SLC24A4: variants seen among roughly 807,000 people sequenced by gnomAD.
SLC24A4 encodes the protein sodium/potassium/calcium exchanger 4.
Under a neutral mutation model 79.0 loss-of-function variants are expected in SLC24A4, and 53 were observed. The observed-to-expected ratio is 0.67, with a 90% confidence interval of 0.54 to 0.84. The LOEUF (loss-of-function observed/expected upper bound fraction) is 0.84, where lower values mean the gene tolerates loss of function less well. SLC24A4 is among the 40% of genes least tolerant of loss of function. SLC24A4 has a pLI of 0.00. For missense variants in SLC24A4, 731 were observed against 822.0 expected (o/e 0.89, Z 1.35); for synonymous variants, 323 against 323.8 (o/e 1.00, Z 0.03).
At chr14:92,345,207 C>A (rs1053263382) in intron 2 of SLC24A4, among the ~76,000 whole-genome samples, 4 of 152,178 alleles carry the variant, frequency 2.6e-5, no homozygotes, top group African/African-American at 9.7e-5. Flanking sequence ...ACCATTCATT[C>A]ATCATTCATT....
At chr14:92,404,312 G>A (rs1172201990) in intron 2 of SLC24A4, among the ~76,000 whole-genome samples, 1 of 152,166 alleles carries the variant, frequency 6.6e-6, no homozygotes, top group Non-Finnish European at 1.5e-5. Context: ...TTCTAAAAGA[G>A]GAATCAAATC....
Position 92,500,760 on chromosome 14 carries a change from C to T in SLC24A4, c.*7132C>T, listed in dbSNP as rs563579570. 6.6e-6 allele frequency: 1 copy of T among 152,350 alleles called. No individual in the cohort carries two copies. The highest frequency in any genetic ancestry group is 1.5e-5 in the Non-Finnish European group (1 of 68,142). 9.4% of individuals were successfully genotyped at this position (152,350 alleles called of 1,614,324 possible). ...AGTCTCCATTTCAGAGCACACACTCCCTGGCAGGGCGCCTCTGCCTGTGTC... is the reference window on the plus strand; with the variant it reads ...AGTCTCCATTTCAGAGCACACACTCTCTGGCAGGGCGCCTCTGCCTGTGTC... On this transcript the variant is annotated 3_prime_UTR_variant, in exon 17 of 17. Coordinates refer to ENST00000532405, the MANE Select transcript of SLC24A4 (RefSeq NM_153646.4).
At chr14:92,354,338 AGACGGGG>A (rs1566708241) in intron 2 of SLC24A4, among the ~76,000 whole-genome samples, 15 of 152,040 alleles carry the variant, frequency 9.9e-5, no homozygotes, top group African/African-American at 3.6e-4. Context: ...TTTTCAGTAG[AGACGGGG>A]TTTCACTGTA....
intron 12 of SLC24A4, among the ~76,000 whole-genome samples, chr14:92,470,452 A>G (rs1266577804): frequency 1.3e-5 from 2 of 152,200 alleles, no homozygotes; most frequent in Non-Finnish European, 2.9e-5. Context: ...GAGGTTTTTC[A>G]TCAGCAACTG....
At chr14:92,372,980 CCTCTCCCTCT>C (rs1468921586) in intron 2 of SLC24A4, among the ~76,000 whole-genome samples, 4 of 138,014 alleles carry the variant, frequency 2.9e-5, no homozygotes, top group Admixed American at 7.5e-5. Flanking sequence ...TCCCCCCCTC[CCTCTCCCTCT>C]CTCTCTCTTC....
intron 12 of SLC24A4, among the ~76,000 whole-genome samples, chr14:92,477,285 C>G (rs1030241090): frequency 6.6e-6 from 1 of 152,154 alleles, no homozygotes; most frequent in African/African-American, 2.4e-5. Flanking sequence ...GGAGAACTGT[C>G]TATTCAAACA....
At position 92,487,590 on chromosome 14, in the gene SLC24A4, C is replaced by A. The variant is rs144589360; in HGVS notation, c.1537+810C>A. Among the ~76,000 whole-genome samples, 90 of 152,158 alleles carry A rather than the reference C, an allele frequency of 5.9e-4. No homozygotes were observed. In the Middle Eastern group the frequency reaches 0.024, roughly 40 times the overall value. ...TGAGGGGAAAGGAAGAGTGGAAGTA[C>A]GTTTGCTGGTCGGCAGGGCCCTGAC... On this transcript the variant is annotated intron_variant, in intron 14 of 16. Transcript: ENST00000532405.
chr14:92,483,613 C>A, intron 13 of SLC24A4: 1 of 603,018 alleles, frequency 1.7e-6, no homozygotes, highest in Non-Finnish European at 2.7e-6. Context: ...CAGGACAAGT[C>A]CCCATGTAAA....
chr14:92,419,448 A>C (rs1891160082), intron 2 of SLC24A4, among the ~76,000 whole-genome samples: 1 of 152,164 alleles, frequency 6.6e-6, no homozygotes, highest in Non-Finnish European at 1.5e-5. Context: ...GGCTGTCTAG[A>C]ATGAGGAAGT....
intron 8 of SLC24A4, among the ~76,000 whole-genome samples, chr14:92,445,936 C>A (rs1409445626): frequency 6.6e-6 from 1 of 152,208 alleles, no homozygotes; most frequent in South Asian, 2.1e-4. Flanking sequence ...GTGGCTCACA[C>A]CTGTAATTTC....
At chr14:92,349,755 A>C (rs1886766230) in intron 2 of SLC24A4, among the ~76,000 whole-genome samples, 1 of 152,208 alleles carries the variant, frequency 6.6e-6, no homozygotes, top group African/African-American at 2.4e-5. Context: ...ATTTTAGGGG[A>C]TTCCAATAGG....
At chr14:92,449,359 C>T in intron 10 of SLC24A4, 143 bp downstream of exon 10, 2 of 1,218,186 alleles carry the variant, frequency 1.6e-6, no homozygotes, top group East Asian at 2.6e-5. Context: ...TTGTCACTCT[C>T]TTACCTTTGA....
chr14:92,483,691 A>G (rs1225977021), intron 13 of SLC24A4: 3 of 1,270,170 alleles, frequency 2.4e-6, no homozygotes, highest in Non-Finnish European at 3.1e-6. Flanking sequence ...TCTGTATACC[A>G]CCTAATGGGG....
At chr14:92,403,871 C>T (rs1461479887) in intron 2 of SLC24A4, among the ~76,000 whole-genome samples, 2 of 126,612 alleles carry the variant, frequency 1.6e-5, no homozygotes, top group Non-Finnish European at 3.2e-5. Context: ...TCCTACATTA[C>T]ATGTTTTACA....
intron 12 of SLC24A4, among the ~76,000 whole-genome samples, chr14:92,466,197 A>T (rs961013550): frequency 6.6e-6 from 1 of 152,184 alleles, no homozygotes. Context: ...AAAACAACCC[A>T]ACCCAGTGCT....
intron 2 of SLC24A4, among the ~76,000 whole-genome samples, chr14:92,331,914 A>C (rs1015063901): frequency 1.3e-5 from 2 of 152,210 alleles, no homozygotes; most frequent in South Asian, 2.1e-4. Context: ...TTTCTTAATA[A>C]AATTTTTCCT....
intron 2 of SLC24A4, among the ~76,000 whole-genome samples, chr14:92,425,956 C>G (rs1259892473): frequency 6.6e-6 from 1 of 152,128 alleles, no homozygotes; most frequent in East Asian, 1.9e-4. Flanking sequence ...GCACTCCAGC[C>G]TGGGTGACAG....
chr14:92,332,179 G>A lies in SLC24A4; in HGVS notation c.241+6201G>A, dbSNP rs138521031. 4.4e-3 allele frequency among the ~76,000 whole-genome samples: 665 copies of A among 152,270 alleles called. 4 individuals are homozygous for A. The highest frequency in any genetic ancestry group is 0.015 in the African/African-American group (638 of 41,530). On this transcript the variant is annotated intron_variant, in intron 2 of 16. Transcript: ENST00000532405. ...CACCTGTAATCCCAGCTACTCAGGAGGCTGAGGCAGGTGAATTACTTGAAC... is the reference window on the plus strand; with the variant it reads ...CACCTGTAATCCCAGCTACTCAGGAAGCTGAGGCAGGTGAATTACTTGAAC...
At chr14:92,406,600 A>G (rs960989978) in intron 2 of SLC24A4, among the ~76,000 whole-genome samples, 2 of 152,090 alleles carry the variant, frequency 1.3e-5, no homozygotes, top group East Asian at 3.9e-4. Context: ...CAGGCCCAAC[A>G]CCATGTGGAA....
Sources: gnomAD v4.1 joint callset for allele counts (sites outside exome capture counted in the v4.1 genomes callset) on GRCh38, gnomAD v4.1.1 for gene constraint, MANE v1.5 for transcripts, NCBI Gene and HGNC (gene_info 2026-07-23, HGNC 2026-07-21) for gene names.